The following DNPEP variants were observed in gnomAD, a reference collection of about 807,000 sequenced individuals.
DNPEP encodes aspartyl aminopeptidase.
In DNPEP, 46 loss-of-function variants were observed where a neutral mutation model predicts 59.1. That is an observed-to-expected ratio of 0.78 (90% CI 0.61 to 0.99). DNPEP has a LOEUF of 0.99. Among genes scored for constraint, DNPEP ranks in the 50% least tolerant of loss-of-function variants. The probability of loss-of-function intolerance (pLI) is 0.00; values close to 1 mark genes in which losing one functional copy is unlikely to be tolerated. For synonymous variants in DNPEP, 229 were observed against 242.2 expected (o/e 0.95, Z 0.50); for missense variants, 617 against 649.9 (o/e 0.95, Z 0.55).
At chr2:219,380,309 G>A (rs1248861876) in intron 13 of DNPEP, among the ~76,000 whole-genome samples, 2 of 148,952 alleles carry the variant, frequency 1.3e-5, no homozygotes, top group African/African-American at 2.5e-5. Flanking sequence ...TCCACCTCCC[G>A]GGCTCAAGAG....
chr2:219,395,790 C>T (rs16859869), intron 1 of DNPEP, among the ~76,000 whole-genome samples: 11,775 of 152,200 alleles, frequency 0.077, 1,208 homozygotes, highest in African/African-American at 0.23. Context: ...CCTCTCCTAG[C>T]GCCAGTGTCA....
chr2:219,374,147 G>T lies in DNPEP; in HGVS notation c.*145C>A. Reference sequence around the variant, plus strand: ...TTCTGGTTCCAAAGGTTCAAGCCAGGCTCAACTCCCACTCCTCTAGTCTCC... The same window carrying T: ...TTCTGGTTCCAAAGGTTCAAGCCAGTCTCAACTCCCACTCCTCTAGTCTCC... On this transcript the variant is annotated 3_prime_UTR_variant, in exon 15 of 15. Coordinates refer to ENST00000273075, the MANE Select transcript of DNPEP (RefSeq NM_012100.4). 1.3e-6 allele frequency: 1 copy of T among 794,870 alleles called. No individual in the cohort carries two copies. Among genetic ancestry groups the T allele is most frequent in the Non-Finnish European group, 2.0e-6 (1 of 490,966 alleles). The allele number at this position is 794,870 out of a possible 1,614,324, so 49.2% of individuals were successfully genotyped here. A position where few individuals can be genotyped will look rare whatever the true frequency, so the allele number is the denominator to read the frequency against.
At chr2:219,384,245 C>A in intron 9 of DNPEP, 121 bp downstream of exon 9, 1 of 926,216 alleles carries the variant, frequency 1.1e-6, no homozygotes, top group Non-Finnish European at 1.6e-6. Context: ...CACCAGCAGA[C>A]TGAGCGGGTA....
chr2:219,388,093 CA>C (rs1953933481), upstream of DNPEP: 11 of 338,900 alleles, frequency 3.2e-5, no homozygotes, highest in East Asian at 6.5e-5. Context: ...AGCTTGGCCG[CA>C]CCGCCCGCCC....
In DNPEP at chr2:219,372,110, C is replaced by A. The variant is rs760261386; in HGVS notation, c.*2182G>T. ...AACTTAAATGACCATTATTAACAGA[C>A]TGAATAAATAATGACCATCTATACA... On this transcript the variant is annotated 3_prime_UTR_variant, in exon 15 of 15. Transcript: ENST00000273075. 6.6e-6 allele frequency among the ~76,000 whole-genome samples: 1 copy of A among 152,144 alleles called. No homozygotes were observed. Among genetic ancestry groups the A allele is most frequent in the Non-Finnish European group, 1.5e-5 (1 of 68,034 alleles).
rs775438979 is a variant in DNPEP, at chr2:219,385,426, C to A, written c.772G>T (p.Ala258Ser). ...AGGTTCCTACAGCCAGTCCTCACCG[C>A]AGGCTGGGTGTCTGCAAGGCAGAGC... Reference protein sequence around the residue: ...MELCLADTQPAVLGGAYDEFI... With the variant: ...MELCLADTQPSVLGGAYDEFI... The change falls in exon 8 of 15, where the codon GCG (alanine) becomes TCG (serine). Residue 258 changes from alanine (A) to serine (S), a missense_variant and splice_region_variant. Ala to Ser is a moderately conservative substitution (Grantham distance 99). Transcript: ENST00000273075. 7 of 1,608,198 alleles carry A rather than the reference C, an allele frequency of 4.4e-6. No individual in the cohort carries two copies. The highest frequency in any genetic ancestry group is 5.1e-6 in the Non-Finnish European group (6 of 1,175,004).
intron 1 of DNPEP, among the ~76,000 whole-genome samples, chr2:219,395,753 AG>A (rs1954085996): frequency 6.6e-6 from 1 of 152,128 alleles, no homozygotes; most frequent in Non-Finnish European, 1.5e-5. Flanking sequence ...GCATCTCCAG[AG>A]GGAAGTGCTT....
intron 13 of DNPEP, among the ~76,000 whole-genome samples, chr2:219,377,076 C>G (rs1046159558): frequency 6.6e-6 from 1 of 151,862 alleles, no homozygotes; most frequent in Non-Finnish European, 1.5e-5. Context: ...GAGTTCAAGA[C>G]CAGTCTGGCC....
intron 1 of DNPEP, among the ~76,000 whole-genome samples, chr2:219,398,145 A>G (rs1954128533): frequency 6.6e-6 from 1 of 152,222 alleles, no homozygotes; most frequent in Admixed American, 6.5e-5. Context: ...TATGAGGAGT[A>G]AATGGGATAA....
chr2:219,387,001 C>T, intron 2 of DNPEP, 21 bp from the exon 3 acceptor site: 1 of 1,614,014 alleles, frequency 6.2e-7, no homozygotes. Context: ...AGCACCCTCT[C>T]ACAGCGATGG....
At chr2:219,390,488 G>A (rs1262198871), upstream of DNPEP, among the ~76,000 whole-genome samples, 1 of 152,216 alleles carries the variant, frequency 6.6e-6, no homozygotes, top group African/African-American at 2.4e-5. Context: ...ACAAGAGCAA[G>A]AAATATTGTT....
chr2:219,382,239 C>T, intron 10 of DNPEP, 100 bp from the exon 11 acceptor site: 1 of 1,350,140 alleles, frequency 7.4e-7, no homozygotes, highest in Non-Finnish European at 1.0e-6. Context: ...CAAAACCCCA[C>T]TGAGTCACTG....
Position 219,381,341 on chromosome 2 carries a change from G to A in DNPEP, c.1233C>T (p.Pro411=). 6.2e-7 allele frequency: 1 copy of A among 1,613,830 alleles called. No individual in the cohort carries two copies. The highest frequency in any genetic ancestry group is 8.5e-7 in the Non-Finnish European group (1 of 1,179,980). The change falls in exon 13 of 15, where the codon CCC becomes CCT. Residue 411 remains proline (P), a synonymous_variant. Transcript: ENST00000273075. Reference sequence around the variant, plus strand: ...AGGCAGGGCCCACCCTCACCTGCAGGGGGACCTTGACTTTGTTGGCCACCT... The same window carrying A: ...AGGCAGGGCCCACCCTCACCTGCAGAGGGACCTTGACTTTGTTGGCCACCT... ...IREVANKVKV[P]LQDLMVRNDT...
Position 219,374,885 on chromosome 2 carries a change from T to G in DNPEP, c.1377A>C (p.Thr459=). Residue 459 remains threonine (T), a synonymous_variant, in exon 14 of 15, where the codon ACA becomes ACC. Transcript: ENST00000273075. ...AGAGGGTGAGGGTCTGGAGGACTCC[T>G]GTGGTGCAGGCCATCTCCCGGATAG... The part of the protein sequence containing the change: ...MHSIREMACT[T]GVLQTLTLFK... The G allele has an allele frequency of 1.2e-6, 2 of 1,614,196 alleles. No individual in the cohort carries two copies. The highest frequency in any genetic ancestry group is 1.3e-5 in the African/African-American group (1 of 75,040).
chr2:219,388,565 C>CCG, upstream of DNPEP: 1 of 351,840 alleles, frequency 2.8e-6, no homozygotes, highest in Non-Finnish European at 4.0e-6. Flanking sequence ...CCCTGCACCC[C>CCG]CGTCACCCAC....
chr2:219,386,298 G>C lies in DNPEP; in HGVS notation c.447C>G (p.Arg149=). The C allele has an allele frequency of 6.2e-7, 1 of 1,614,146 alleles. No individual in the cohort carries two copies. The highest frequency in any genetic ancestry group is 8.5e-7 in the Non-Finnish European group (1 of 1,180,022). ...WFDRDLTLAG[R]VIVKCPTSGR... is the part of the protein sequence containing the mutation. ...CCTCGGTTCCCACCTTGACAATGAC[G>C]CGTCCAGCCAGAGTCAGGTCACGGT... is the stretch of plus-strand genomic sequence containing the variant. The change falls in exon 5 of 15, where the codon CGC becomes CGG. Residue 149 remains arginine, a synonymous_variant. Transcript: ENST00000273075.
intron 6 of DNPEP, 39 bp downstream of exon 6, chr2:219,385,929 C>G (rs1464732089): frequency 4.3e-6 from 7 of 1,609,760 alleles, no homozygotes; most frequent in South Asian, 1.1e-5. Flanking sequence ...GTACCATTCT[C>G]CATCCCTCCC....
At chr2:219,379,310 T>C (rs1224000803) in intron 13 of DNPEP, among the ~76,000 whole-genome samples, 1 of 151,908 alleles carries the variant, frequency 6.6e-6, no homozygotes, top group Non-Finnish European at 1.5e-5. Flanking sequence ...GAGCACATTG[T>C]TATCATGGTA....
At chr2:219,386,615 G>T (rs370035473) in intron 4 of DNPEP, 50 bp downstream of exon 4, 41 of 1,545,476 alleles carry the variant, frequency 2.7e-5, no homozygotes, top group Non-Finnish European at 3.4e-5. Context: ...CTTTTGCCCT[G>T]TACTCCCTCT....
Sources: gnomAD v4.1 joint callset for allele counts (sites outside exome capture counted in the v4.1 genomes callset) on GRCh38, gnomAD v4.1.1 for gene constraint, MANE v1.5 for transcripts, NCBI Gene and HGNC (gene_info 2026-07-23, HGNC 2026-07-21) for gene names.